Variants in ATP5F1B observed in about 807,000 individuals in gnomAD.
The protein encoded by ATP5F1B is ATP synthase F(1) complex subunit beta, mitochondrial.
ATP5F1B carries 17 observed loss-of-function variants against 45.9 expected under a neutral mutation model. The ratio of observed to expected loss-of-function variants is 0.37; its 90% CI spans 0.25 to 0.56. The LOEUF is 0.56. ATP5F1B is among the 20% of genes least tolerant of loss of function. ATP5F1B has a pLI of 0.80. For missense variants in ATP5F1B, 387 were observed against 673.2 expected (o/e 0.57, Z 4.70); for synonymous variants, 218 against 256.5 (o/e 0.85, Z 1.43).
At chr12:56,638,551 G>A in intron 9 of ATP5F1B, 128 bp from the exon 10 acceptor site, 2 of 745,024 alleles carry the variant, frequency 2.7e-6, no homozygotes, top group Non-Finnish European at 4.5e-6. Context: ...ATCTTAGAAA[G>A]CTTAAATTTC....
intron 3 of ATP5F1B, among the ~76,000 whole-genome samples, chr12:56,644,258 CA>C (rs1951534133): frequency 6.6e-6 from 1 of 151,944 alleles, no homozygotes; most frequent in Admixed American, 6.6e-5. Context: ...ATAGCAAATA[CA>C]AAAACCTACA....
At chr12:56,638,994 T>C (rs954485707) in intron 9 of ATP5F1B, 112 bp downstream of exon 9, 1 of 1,075,418 alleles carries the variant, frequency 9.3e-7, no homozygotes, top group African/African-American at 1.6e-5. Flanking sequence ...GTAAGTTTGT[T>C]TTTTAAATTA....
intron 7 of ATP5F1B, among the ~76,000 whole-genome samples, chr12:56,640,848 C>G (rs1293376383): frequency 7.0e-6 from 1 of 142,532 alleles, no homozygotes; most frequent in African/African-American, 2.6e-5. Flanking sequence ...AGTTCGACAC[C>G]AGTAGAGACG....
At chr12:56,644,588 A>G (rs749073766) in intron 3 of ATP5F1B, among the ~76,000 whole-genome samples, 193 bp downstream of exon 3, 2 of 152,154 alleles carry the variant, frequency 1.3e-5, no homozygotes, top group Non-Finnish European at 1.5e-5. Context: ...CAAAAAAAAA[A>G]ACCTCAAGTA....
chr12:56,639,021 ATAG>A lies in ATP5F1B; in HGVS notation c.1489+82_1489+84del, dbSNP rs369490207. 2.8e-4 allele frequency: 346 copies of A among 1,252,942 alleles called. 4 individuals carry two copies. The African/African-American group carries it at 4.5e-3, about 16-fold the overall frequency. 77.6% of individuals were successfully genotyped at this position (1,252,942 alleles called of 1,614,324 possible). On this transcript the variant is annotated intron_variant, in intron 9 of 9. Transcript: ENST00000262030. ...TTTAAATTAAAAAATATAATTAAGCATAGTATATTACATATATTGCTTGACGGT... is the reference window on the plus strand; with the variant it reads ...TTTAAATTAAAAAATATAATTAAGCATATATTACATATATTGCTTGACGGT...
intron 7 of ATP5F1B, among the ~76,000 whole-genome samples, chr12:56,641,600 G>A (rs1325032135): frequency 6.6e-6 from 1 of 151,604 alleles, no homozygotes; most frequent in Non-Finnish European, 1.5e-5. Context: ...GGAGTGAGTG[G>A]CCCAATCTCA....
At chr12:56,643,688 G>A (rs565653970) in intron 4 of ATP5F1B, 101 bp from the exon 5 acceptor site, 2 of 1,584,158 alleles carry the variant, frequency 1.3e-6, no homozygotes, top group East Asian at 2.2e-5. Context: ...TTCCTTCTCA[G>A]AAATTGCATC....
intron 5 of ATP5F1B, chr12:56,643,135 A>G (rs145140158): frequency 4.1e-6 from 2 of 484,538 alleles, no homozygotes; most frequent in East Asian, 6.7e-5. Context: ...TTAGCTTTCA[A>G]ATGATGGGAC....
chr12:56,640,261 C>T, intron 7 of ATP5F1B, 69 bp from the exon 8 acceptor site: 2 of 1,360,168 alleles, frequency 1.5e-6, no homozygotes, highest in African/African-American at 1.5e-5. Context: ...GAGGGTCTCG[C>T]TCTGTCGCCC....
At position 56,640,041 on chromosome 12, in the gene ATP5F1B, T is replaced by C. The variant is rs781006746; in HGVS notation, c.1226A>G (p.Asp409Gly). ...DPLDSTSRIM[D>G]PNIVGSEHYD... Reference sequence around the variant, plus strand: ...ATGCTCACTGCCAACAATGTTGGGATCCATGATACGAGAGGTGGAGTCTAG... The same window carrying C: ...ATGCTCACTGCCAACAATGTTGGGACCCATGATACGAGAGGTGGAGTCTAG... Residue 409 changes from aspartate (D) to glycine (G), a missense_variant, in exon 8 of 10, where the codon GAT becomes GGT. Coordinates refer to ENST00000262030, the MANE Select transcript of ATP5F1B (RefSeq NM_001686.4). 6.2e-7 allele frequency: 1 copy of C among 1,614,006 alleles called. No homozygotes were observed. The highest frequency in any genetic ancestry group is 8.5e-7 in the Non-Finnish European group (1 of 1,180,010).
At chr12:56,643,351 AAT>A (rs1185261921) in intron 5 of ATP5F1B, 50 bp downstream of exon 5, 88 of 1,478,014 alleles carry the variant, frequency 6.0e-5, no homozygotes, top group Non-Finnish European at 7.9e-5. Flanking sequence ...TTCAGTTGGC[AAT>A]AGTTTCCTGG....
chr12:56,643,194 A>G, intron 5 of ATP5F1B: 1 of 509,640 alleles, frequency 2.0e-6, no homozygotes, highest in Non-Finnish European at 3.4e-6. Flanking sequence ...TCAGTATCAA[A>G]GAGGAAAGAA....
At chr12:56,642,964 T>C (rs565725846) in intron 5 of ATP5F1B, 133 bp from the exon 6 acceptor site, 2 of 1,004,060 alleles carry the variant, frequency 2.0e-6, no homozygotes, top group East Asian at 5.2e-5. Context: ...CAAGTTTCTT[T>C]TCCCTATTAG....
chr12:56,644,215 A>C (rs956108957), intron 3 of ATP5F1B, among the ~76,000 whole-genome samples: 1 of 152,180 alleles, frequency 6.6e-6, no homozygotes, highest in Non-Finnish European at 1.5e-5. Flanking sequence ...CATTTTACTG[A>C]GCCTTAACCT....
At chr12:56,639,829 C>G (rs1951498828) in intron 8 of ATP5F1B, 151 bp downstream of exon 8, 1 of 703,976 alleles carries the variant, frequency 1.4e-6, no homozygotes, top group African/African-American at 1.8e-5. Context: ...CCTGGAAACT[C>G]AAGAGACCTC....
intron 7 of ATP5F1B, among the ~76,000 whole-genome samples, chr12:56,640,765 G>C (rs1951505556): frequency 6.6e-6 from 1 of 151,426 alleles, no homozygotes; most frequent in South Asian, 2.1e-4. Flanking sequence ...AGAGGCTGGG[G>C]GCCAGGCACG....
chr12:56,643,589 T>C lies in ATP5F1B; in HGVS notation c.608-2A>G. The C allele has an allele frequency of 6.2e-7, 1 of 1,613,866 alleles. No homozygotes were observed. The highest frequency in any genetic ancestry group is 8.5e-7 in the Non-Finnish European group (1 of 1,179,906). On this transcript the variant is annotated splice_acceptor_variant, in intron 4 of 9. Transcript: ENST00000262030. LOFTEE classifies it high-confidence loss of function. ...CAACTCCAGCACCACCAAAAAGCCC[T>C]ATAAGAGGTTGAAAAGAAAGAATAT...
chr12:56,640,870 T>TA (rs59336396), intron 7 of ATP5F1B, among the ~76,000 whole-genome samples: 28,183 of 99,338 alleles, frequency 0.28, 3,466 homozygotes, highest in Middle Eastern at 0.41. Flanking sequence ...GGGTCTCTAC[T>TA]AAAAAAAAAA....
chr12:56,641,363 C>CAA (rs35984942), intron 7 of ATP5F1B, among the ~76,000 whole-genome samples: 3 of 61,674 alleles, frequency 4.9e-5, no homozygotes, highest in Non-Finnish European at 6.7e-5. Context: ...AACTCCGTCT[C>CAA]AAAAAAAAAA....
Sources: allele counts gnomAD v4.1 joint callset (sites outside exome capture counted in the v4.1 genomes callset), GRCh38; gene constraint gnomAD v4.1.1; transcripts MANE v1.5; gene names NCBI Gene and HGNC (gene_info 2026-07-23, HGNC 2026-07-21).